The following TPRG1 variants were observed in gnomAD, a reference collection of about 807,000 sequenced individuals.
TPRG1 encodes the protein tumor protein p63 regulated 1.
TPRG1 carries 29 observed loss-of-function variants against 29.3 expected under a neutral mutation model. The observed-to-expected ratio is 0.99, with a 90% confidence interval of 0.74 to 1.35. TPRG1 has a LOEUF of 1.35. TPRG1 is among the 40% of genes most tolerant of loss of function. TPRG1 has a pLI of 0.00. For missense variants in TPRG1, 327 were observed against 335.0 expected (o/e 0.98, Z 0.19); for synonymous variants, 130 against 116.8 (o/e 1.11, Z -0.73).
At chr3:189,107,731 T>C (rs1029379939) in intron 1 of TPRG1, among the ~76,000 whole-genome samples, 2 of 152,190 alleles carry the variant, frequency 1.3e-5, no homozygotes, top group Non-Finnish European at 2.9e-5. Flanking sequence ...GTAAGTTTTT[T>C]ACTAAATTGA....
chr3:189,068,668 C>G (rs1716615317), intron 4 of TPRG1, among the ~76,000 whole-genome samples: 1 of 152,098 alleles, frequency 6.6e-6, no homozygotes, highest in South Asian at 2.1e-4. Context: ...CCCAGGTACT[C>G]AGGAGGTTGA....
chr3:189,152,373 A>T (rs1449691276), intron 5 of TPRG1, among the ~76,000 whole-genome samples: 1 of 152,180 alleles, frequency 6.6e-6, no homozygotes, highest in Admixed American at 6.5e-5. Flanking sequence ...GGCAGATTCT[A>T]CTATACAGAC....
At position 189,082,076 on chromosome 3, in the gene TPRG1, T is replaced by G. The variant is rs148451122; in HGVS notation, c.-462-44981T>G. ...GTTGTCTGAGGTGGAACAAGATATA[T>G]CTGAGGTCTATCTTGCTGAGGTGGA... On this transcript the variant is annotated intron_variant, in intron 4 of 10. Coordinates refer to the TPRG1 transcript ENST00000433971. Among the ~76,000 whole-genome samples, 87 of 152,292 alleles carry G rather than the reference T, an allele frequency of 5.7e-4. 1 individual carries two copies. Among genetic ancestry groups the G allele is most frequent in the African/African-American group, 2.0e-3 (83 of 41,578 alleles).
At chr3:189,101,947 ATT>A (rs977612327) in intron 1 of TPRG1, among the ~76,000 whole-genome samples, 1 of 151,956 alleles carries the variant, frequency 6.6e-6, no homozygotes, top group African/African-American at 2.4e-5. Context: ...TTTTATTTTA[ATT>A]TTTTTGCAGA....
intron 1 of TPRG1, among the ~76,000 whole-genome samples, chr3:189,105,042 G>T (rs1364396636): frequency 2.6e-5 from 4 of 152,092 alleles, no homozygotes; most frequent in African/African-American, 9.7e-5. Flanking sequence ...AAATGCTAAA[G>T]ATTTCCAATA....
intron 3 of TPRG1, among the ~76,000 whole-genome samples, chr3:189,015,508 T>C (rs1009179321): frequency 7.9e-5 from 12 of 152,198 alleles, no homozygotes; most frequent in African/African-American, 2.9e-4. Context: ...CAAATGTTAA[T>C]AGCCAAGACA....
intron 2 of TPRG1, among the ~76,000 whole-genome samples, chr3:189,208,859 T>G (rs890861047): frequency 6.6e-6 from 1 of 152,196 alleles, no homozygotes; most frequent in African/African-American, 2.4e-5. Flanking sequence ...GAATAAAGAT[T>G]TATTGCTGGG....
At chr3:189,270,303 C>G (rs1000167626) in intron 4 of TPRG1, among the ~76,000 whole-genome samples, 13 of 152,100 alleles carry the variant, frequency 8.5e-5, no homozygotes, top group Non-Finnish European at 1.6e-4. Context: ...CGGCATTGAA[C>G]TCCTCATGCC....
At chr3:189,254,556 A>C (rs1579057023) in intron 4 of TPRG1, among the ~76,000 whole-genome samples, 1 of 152,220 alleles carries the variant, frequency 6.6e-6, no homozygotes, top group Non-Finnish European at 1.5e-5. Flanking sequence ...AATTCTCTGA[A>C]GAAAGTCAAT....
At chr3:189,288,877 T>C (rs144540571) in intron 4 of TPRG1, among the ~76,000 whole-genome samples, 4 of 152,392 alleles carry the variant, frequency 2.6e-5, no homozygotes, top group East Asian at 3.9e-4. Context: ...CAGCATAAGA[T>C]GGTCTTGCAA....
At chr3:189,251,556 T>G (rs577008410) in intron 4 of TPRG1, among the ~76,000 whole-genome samples, 46 of 152,264 alleles carry the variant, frequency 3.0e-4, no homozygotes, top group Non-Finnish European at 5.7e-4. Context: ...TGATCATTTT[T>G]GGGTGTTTCT....
intron 1 of TPRG1, among the ~76,000 whole-genome samples, chr3:189,126,480 T>C (rs114988087): frequency 0.01 from 1,583 of 152,328 alleles, 28 homozygotes; most frequent in African/African-American, 0.035. Context: ...CCTGCCTTAT[T>C]ATCCCCTGGT....
At chr3:188,997,894 C>A (rs1321701312) in intron 1 of TPRG1, among the ~76,000 whole-genome samples, 1 of 152,104 alleles carries the variant, frequency 6.6e-6, no homozygotes, top group Non-Finnish European at 1.5e-5. Flanking sequence ...TAGTTTGAGA[C>A]ACGATTTTTC....
chr3:189,310,816 A>G (rs988425990), intron 5 of TPRG1, among the ~76,000 whole-genome samples: 4 of 152,166 alleles, frequency 2.6e-5, no homozygotes, highest in Non-Finnish European at 4.4e-5. Context: ...TACATGGTGT[A>G]TATACTTTCC....
In TPRG1 at chr3:189,189,536, G is replaced by A. The variant is rs181983346; in HGVS notation, c.-10+17405G>A. On this transcript the variant is annotated intron_variant, in intron 1 of 5. Transcript: ENST00000345063. ...AGATGATGAGTAAAAAAAAAATCTG[G>A]CTGGAAAGGTCACTTATTTCAAATG... 4.9e-3 allele frequency among the ~76,000 whole-genome samples: 746 copies of A among 152,222 alleles called. 6 individuals carry two copies. Among genetic ancestry groups the A allele is most frequent in the African/African-American group, 0.017 (710 of 41,534 alleles).
chr3:189,106,289 T>G (rs923187725), intron 1 of TPRG1, among the ~76,000 whole-genome samples: 1 of 152,092 alleles, frequency 6.6e-6, no homozygotes, highest in Non-Finnish European at 1.5e-5. Flanking sequence ...GCTTTCCCCC[T>G]TCCCCCACCC....
At chr3:189,252,522 T>C (rs537102888) in intron 4 of TPRG1, among the ~76,000 whole-genome samples, 2 of 152,238 alleles carry the variant, frequency 1.3e-5, no homozygotes, top group South Asian at 4.1e-4. Context: ...AAAACCAATT[T>C]CCATAATCCT....
chr3:189,078,951 A>G (rs1370822009), intron 4 of TPRG1, among the ~76,000 whole-genome samples: 1 of 152,142 alleles, frequency 6.6e-6, no homozygotes, highest in Non-Finnish European at 1.5e-5. Context: ...TTACATTGCT[A>G]TTGAGGGAAT....
rs1740061046 is a variant in TPRG1 at position 189,239,082 on chromosome 3, GA to G, written c.479+174del. 5 of 517,456 alleles carry G rather than the reference GA, an allele frequency of 9.7e-6. No individual in the cohort carries two copies. The East Asian group carries it at 1.6e-4, about 16-fold the overall frequency. 32.1% of individuals were successfully genotyped at this position (517,456 alleles called of 1,614,324 possible). On this transcript the variant is annotated intron_variant, in intron 4 of 5. Coordinates refer to ENST00000345063, the MANE Select transcript of TPRG1 (RefSeq NM_198485.4). Reference sequence around the variant, plus strand: ...TTCCTACTCTATGTCAGCCTCCAGGGATACAACTTTAAGTAAATATATTAGT... The same window carrying G: ...TTCCTACTCTATGTCAGCCTCCAGGGTACAACTTTAAGTAAATATATTAGT...
Sources: allele counts gnomAD v4.1 joint callset (sites outside exome capture counted in the v4.1 genomes callset), GRCh38; gene constraint gnomAD v4.1.1; transcripts MANE v1.5; gene names NCBI Gene and HGNC (gene_info 2026-07-23, HGNC 2026-07-21).